PDE12: variants seen among roughly 807,000 people sequenced by gnomAD.
PDE12 encodes 2',5'-phosphodiesterase 12.
PDE12 carries 26 observed loss-of-function variants against 45.4 expected under a neutral mutation model. The ratio of observed to expected loss-of-function variants is 0.57; its 90% CI spans 0.42 to 0.79. The LOEUF is 0.79. PDE12 is among the 30% of genes least tolerant of loss of function. PDE12 has a pLI of 0.00. For synonymous variants in PDE12, 283 were observed against 323.9 expected (o/e 0.87, Z 1.36); for missense variants, 668 against 790.0 (o/e 0.85, Z 1.85).
At chr3:57,638,935 GA>G in the PDE12 span, among the ~76,000 whole-genome samples, 1 of 151,742 alleles carries the variant, frequency 6.6e-6, no homozygotes, top group Non-Finnish European at 1.5e-5. Flanking sequence ...TGTCTCTACA[GA>G]AAAAATAAAA....
At chr3:57,639,761 A>T in the PDE12 span, among the ~76,000 whole-genome samples, 3 of 152,136 alleles carry the variant, frequency 2.0e-5, no homozygotes, top group African/African-American at 7.2e-5. Flanking sequence ...GATTGCCAAG[A>T]TGAAGCCCTT....
At chr3:57,636,762 C>A in the PDE12 span, among the ~76,000 whole-genome samples, 8 of 151,722 alleles carry the variant, frequency 5.3e-5, no homozygotes, top group Non-Finnish European at 8.8e-5. Flanking sequence ...CATGGGGAAG[C>A]CCTGTCTCCA....
At chr3:57,645,948 C>T in the PDE12 span, among the ~76,000 whole-genome samples, 1 of 152,100 alleles carries the variant, frequency 6.6e-6, no homozygotes, top group Non-Finnish European at 1.5e-5. Context: ...AAAGAACACA[C>T]TGGGTTTGGG....
chr3:57,574,303 G>C, the PDE12 span, among the ~76,000 whole-genome samples: 626 of 152,084 alleles, frequency 4.1e-3, 6 homozygotes, highest in African/African-American at 0.015. Context: ...CTTATTTACA[G>C]GTTAATGCAA....
chr3:57,575,030 G>A, the PDE12 span, among the ~76,000 whole-genome samples: 4 of 152,108 alleles, frequency 2.6e-5, no homozygotes, highest in Non-Finnish European at 1.5e-5. Context: ...TGTATTTTTA[G>A]TAGAGACAGG....
chr3:57,645,212 C>T, the PDE12 span, among the ~76,000 whole-genome samples: 15 of 152,092 alleles, frequency 9.9e-5, no homozygotes, highest in Admixed American at 9.8e-4. Flanking sequence ...CCTGTAATCC[C>T]AGCACTTTGT....
the PDE12 span, among the ~76,000 whole-genome samples, chr3:57,616,277 T>C: frequency 1.1e-3 from 173 of 151,932 alleles, no homozygotes; most frequent in African/African-American, 4.0e-3. Context: ...TGAGACATGA[T>C]TGCACCACTG....
the PDE12 span, chr3:57,654,873 C>A: frequency 1.3e-6 from 1 of 798,656 alleles, no homozygotes; most frequent in Non-Finnish European, 1.5e-6. Context: ...TGTAAACTTT[C>A]ATTCACACTA....
chr3:57,585,359 A>C, the PDE12 span, among the ~76,000 whole-genome samples: 17 of 152,222 alleles, frequency 1.1e-4, no homozygotes, highest in Non-Finnish European at 2.4e-4. Flanking sequence ...TAATGAACTT[A>C]ATGTAACTAT....
chr3:57,635,095 C>T, the PDE12 span, among the ~76,000 whole-genome samples: 10 of 152,054 alleles, frequency 6.6e-5, no homozygotes, highest in Non-Finnish European at 7.4e-5. Flanking sequence ...ATACATAAAA[C>T]TGAAAATTTA....
chr3:57,618,627 T>TTTTTTTG, the PDE12 span, among the ~76,000 whole-genome samples: 13 of 136,898 alleles, frequency 9.5e-5, no homozygotes, highest in East Asian at 2.7e-4. Context: ...TTTTTTTTTT[T>TTTTTTTG]GAGATGGAGT....
the PDE12 span, among the ~76,000 whole-genome samples, chr3:57,614,941 C>T: frequency 2.7e-5 from 4 of 150,430 alleles, no homozygotes; most frequent in African/African-American, 7.3e-5. Flanking sequence ...TGGAGTGAGC[C>T]GAGATCGTGC....
the PDE12 span, chr3:57,597,043 G>C: frequency 6.2e-7 from 1 of 1,610,244 alleles, no homozygotes; most frequent in Admixed American, 1.7e-5. Context: ...GCCTTTCCCA[G>C]GTCCCGCCTG....
Position 57,560,024 on chromosome 3 carries a change from G to C in PDE12, c.*20G>C, listed in dbSNP as rs773222250. The C allele has an allele frequency of 6.4e-7, 1 of 1,570,234 alleles. No homozygotes were observed. The highest frequency in any genetic ancestry group is 1.8e-5 in the Admixed American group (1 of 54,616). On this transcript the variant is annotated 3_prime_UTR_variant, in exon 3 of 3. Transcript: ENST00000311180. ...AAATAGATGTGTGTTTAATGGAATT[G>C]AAGTCTGAAAAGGAAGTAGTTATTT...
At chr3:57,593,075 C>T in the PDE12 span, among the ~76,000 whole-genome samples, 2 of 152,042 alleles carry the variant, frequency 1.3e-5, no homozygotes, top group African/African-American at 2.4e-5. Context: ...GGCATAGTGG[C>T]GCCTGTAGTC....
downstream of PDE12, among the ~76,000 whole-genome samples, chr3:57,567,722 C>T (rs919619960): frequency 6.6e-6 from 1 of 152,072 alleles, no homozygotes; most frequent in Non-Finnish European, 1.5e-5. Flanking sequence ...AAGCTGGTAA[C>T]CAATATTTAC....
the PDE12 span, among the ~76,000 whole-genome samples, chr3:57,604,653 C>T: frequency 7.0e-6 from 1 of 142,110 alleles, no homozygotes; most frequent in Non-Finnish European, 1.5e-5. Flanking sequence ...CACTCTGTTA[C>T]CCAGGCTGGA....
the PDE12 span, among the ~76,000 whole-genome samples, chr3:57,636,998 A>C: frequency 6.6e-6 from 1 of 152,042 alleles, no homozygotes; most frequent in Admixed American, 6.6e-5. Flanking sequence ...TTGAGTAAAA[A>C]GTTAAATACA....
At chr3:57,600,606 G>C in the PDE12 span, 1 of 151,702 alleles carries the variant, frequency 6.6e-6, no homozygotes, top group Non-Finnish European at 1.5e-5. Context: ...GTAGAGACCA[G>C]CATGTTGCCC....
Sources: allele counts gnomAD v4.1 joint callset (sites outside exome capture counted in the v4.1 genomes callset), GRCh38; gene constraint gnomAD v4.1.1; transcripts MANE v1.5; gene names NCBI Gene and HGNC (gene_info 2026-07-23, HGNC 2026-07-21).